The following ERAP1 variants were observed in gnomAD, a reference collection of about 807,000 sequenced individuals.
The protein encoded by ERAP1 is adipocyte-derived leucine aminopeptidase.
Under a neutral mutation model 103.7 loss-of-function variants are expected in ERAP1, and 86 were observed. The observed-to-expected ratio is 0.83, with a 90% CI of 0.70 to 0.99. The LOEUF (loss-of-function observed/expected upper bound fraction) is 0.99, where lower values mean the gene tolerates loss of function less well. Among genes scored for constraint, ERAP1 ranks in the 50% least tolerant of loss-of-function variants. ERAP1 has a pLI of 0.00. For synonymous variants in ERAP1, 398 were observed against 402.4 expected, an observed-to-expected ratio of 0.99 and a Z score of 0.13; for missense variants, 1,009 against 1,128.4, an observed-to-expected ratio of 0.89 and a Z score of 1.52.
At position 96,776,020 on chromosome 5, in the gene ERAP1, T is replaced by C. The variant is rs1290955607; in HGVS notation, c.*376A>G. 7 of 1,133,902 alleles carry C rather than the reference T, an allele frequency of 6.2e-6. No individual in the cohort carries two copies. The highest frequency in any genetic ancestry group is 7.7e-6 in the Non-Finnish European group (7 of 912,538). 70.2% of individuals were successfully genotyped at this position (1,133,902 alleles called of 1,614,324 possible). On this transcript the variant is annotated 3_prime_UTR_variant, in exon 19 of 19. Transcript: ENST00000443439. Reference sequence around the variant, plus strand: ...GATCCAGGTGTTCATTGTTCAGTAGTCGACTATTCAGAGTCTTTCGAGGAG... The same window carrying C: ...GATCCAGGTGTTCATTGTTCAGTAGCCGACTATTCAGAGTCTTTCGAGGAG...
chr5:96,874,128 A>T, the ERAP1 span, among the ~76,000 whole-genome samples: 2 of 127,654 alleles, frequency 1.6e-5, no homozygotes, highest in Non-Finnish European at 3.5e-5. Context: ...GAAAGAAAGA[A>T]AGAGAGAGAG....
At chr5:96,912,251 C>G in the ERAP1 span, among the ~76,000 whole-genome samples, 1 of 146,014 alleles carries the variant, frequency 6.8e-6, no homozygotes, top group African/African-American at 2.5e-5. Flanking sequence ...AAAAAAGCAT[C>G]AAGTAATCAT....
Position 96,774,582 on chromosome 5 carries a change from C to G in ERAP1, c.*1814G>C. 4.1e-6 allele frequency: 4 copies of G among 985,472 alleles called. No homozygotes were observed. Among genetic ancestry groups the G allele is most frequent in the Non-Finnish European group, 4.8e-6 (4 of 829,812 alleles). The allele number at this position is 985,472 out of a possible 1,614,324, so 61.0% of individuals were successfully genotyped here. On this transcript the variant is annotated 3_prime_UTR_variant, in exon 19 of 19. Coordinates refer to ENST00000443439, the MANE Select transcript of ERAP1 (RefSeq NM_001040458.3). Reference sequence around the variant, plus strand: ...GAAAATGGGCTTTTCCAAAAGCAAACAAAGATAGGTTCCTCAGGTGACCAA... The same window carrying G: ...GAAAATGGGCTTTTCCAAAAGCAAAGAAAGATAGGTTCCTCAGGTGACCAA...
the ERAP1 span, among the ~76,000 whole-genome samples, chr5:96,838,334 A>T: frequency 6.6e-6 from 1 of 152,136 alleles, no homozygotes; most frequent in Non-Finnish European, 1.5e-5. Context: ...CAGATTCCTG[A>T]GATGGACCAG....
chr5:96,924,234 C>T, the ERAP1 span, among the ~76,000 whole-genome samples: 2 of 152,196 alleles, frequency 1.3e-5, no homozygotes, highest in South Asian at 4.1e-4. Context: ...GAAGCGTTAG[C>T]TCCTGTTTTG....
chr5:96,915,323 A>G, the ERAP1 span, among the ~76,000 whole-genome samples: 1 of 152,236 alleles, frequency 6.6e-6, no homozygotes, highest in Non-Finnish European at 1.5e-5. Context: ...TAATTTATAA[A>G]TAAAAATATG....
At chr5:96,856,365 T>TATATATAGAGAGAGAGAGAGAGAG in the ERAP1 span, among the ~76,000 whole-genome samples, 1 of 20,390 alleles carries the variant, frequency 4.9e-5, no homozygotes, top group Non-Finnish European at 1.1e-4. Flanking sequence ...TATATATATA[T>TATATATAGAGAGAGAGAGAGAGAG]AGAGAGAGAG....
At chr5:96,787,872 A>G (rs1436742963) in intron 11 of ERAP1, among the ~76,000 whole-genome samples, 1 of 150,032 alleles carries the variant, frequency 6.7e-6, no homozygotes, top group African/African-American at 2.4e-5. Context: ...ATACATATAT[A>G]TATAGAGAGA....
At chr5:96,778,834 T>C (rs1157195178) in intron 18 of ERAP1, among the ~76,000 whole-genome samples, 11 of 152,200 alleles carry the variant, frequency 7.2e-5, no homozygotes, top group Admixed American at 7.2e-4. Flanking sequence ...GTGCATGTGC[T>C]GAGGGAAGAC....
the ERAP1 span, among the ~76,000 whole-genome samples, chr5:96,922,863 A>T: frequency 6.6e-6 from 1 of 152,252 alleles, no homozygotes; most frequent in Non-Finnish European, 1.5e-5. Flanking sequence ...AAAGCGCATA[A>T]CTTATATCTT....
At chr5:96,914,148 T>TCTCTCACACACACACACA in the ERAP1 span, among the ~76,000 whole-genome samples, 2 of 147,982 alleles carry the variant, frequency 1.4e-5, no homozygotes, top group Non-Finnish European at 3.0e-5. Context: ...TCTCTCTCTC[T>TCTCTCACACACACACACA]CACACACACA....
At chr5:96,812,646 T>C (rs1395344811), upstream of ERAP1, among the ~76,000 whole-genome samples, 2 of 152,348 alleles carry the variant, frequency 1.3e-5, no homozygotes, top group East Asian at 3.9e-4. Context: ...TAACTAAACA[T>C]GGGAAAAATA....
At chr5:96,862,719 C>A in the ERAP1 span, among the ~76,000 whole-genome samples, 2 of 152,210 alleles carry the variant, frequency 1.3e-5, no homozygotes, top group African/African-American at 4.8e-5. Flanking sequence ...GGGTAACCTT[C>A]TCTGCAGCCA....
the ERAP1 span, among the ~76,000 whole-genome samples, chr5:96,904,939 A>G: frequency 2.6e-5 from 4 of 152,282 alleles, no homozygotes; most frequent in Admixed American, 2.6e-4. Context: ...GATTTCAGGT[A>G]TTACCTCTTC....
the ERAP1 span, among the ~76,000 whole-genome samples, chr5:96,892,756 T>C: frequency 6.6e-6 from 1 of 152,306 alleles, no homozygotes; most frequent in Non-Finnish European, 1.5e-5. Flanking sequence ...AAGCACAGAA[T>C]TGGAAACCTT....
the ERAP1 span, chr5:96,909,204 T>G: frequency 7.4e-7 from 1 of 1,344,660 alleles, no homozygotes; most frequent in Non-Finnish European, 1.0e-6. Flanking sequence ...GTGAAGTCCT[T>G]GAGGTTAAAT....
At chr5:96,773,310 G>A (rs1033006079), downstream of ERAP1, 2 of 153,540 alleles carry the variant, frequency 1.3e-5, no homozygotes, top group Non-Finnish European at 2.9e-5. Context: ...AGAACACACT[G>A]AGACTTGAAT....
chr5:96,774,876 T>C lies in ERAP1; in HGVS notation c.*1520A>G. 1.0e-6 allele frequency: 1 copy of C among 985,394 alleles called. No individual in the cohort carries two copies. Among genetic ancestry groups the C allele is most frequent in the Non-Finnish European group, 1.2e-6 (1 of 829,818 alleles). 61.0% of individuals were successfully genotyped at this position (985,394 alleles called of 1,614,324 possible). ...AGATTTATGTCCAGAAGTCACTCTA[T>C]TTTGTCGTGTATTAGGGGAACACAT... is the stretch of plus-strand genomic sequence containing the variant. On this transcript the variant is annotated 3_prime_UTR_variant, in exon 19 of 19. Transcript: ENST00000443439.
the ERAP1 span, among the ~76,000 whole-genome samples, chr5:96,867,943 G>C: frequency 6.6e-6 from 1 of 151,924 alleles, no homozygotes; most frequent in Non-Finnish European, 1.5e-5. Flanking sequence ...GTTTGGTGGC[G>C]AGTGCCTGTA....
Sources: gnomAD v4.1 joint callset for allele counts (sites outside exome capture counted in the v4.1 genomes callset) on GRCh38, gnomAD v4.1.1 for gene constraint, MANE v1.5 for transcripts, NCBI Gene and HGNC (gene_info 2026-07-23, HGNC 2026-07-21) for gene names.